The following TUBB8 variants were observed in gnomAD, a reference collection of about 807,000 sequenced individuals.
TUBB8 encodes tubulin beta-8 chain.
Under a neutral mutation model 33.7 loss-of-function variants are expected in TUBB8, and 25 were observed. The ratio of observed to expected loss-of-function variants is 0.74; its 90% CI spans 0.54 to 1.04. The LOEUF (loss-of-function observed/expected upper bound fraction) is 1.04. Among genes scored for constraint, TUBB8 ranks in the 50% least tolerant of loss-of-function variants. TUBB8 has a pLI of 0.00. For missense variants in TUBB8, 279 were observed against 608.0 expected, an observed-to-expected ratio of 0.46 and a Z score of 5.69; for synonymous variants, 245 against 240.1, an observed-to-expected ratio of 1.02 and a Z score of -0.19.
At chr10:57,012 T>C (rs1834539756) in intron 1 of TUBB8, among the ~76,000 whole-genome samples, 2 of 152,122 alleles carry the variant, frequency 1.3e-5, no homozygotes, top group South Asian at 4.1e-4. Context: ...ATATTCCTAT[T>C]CTAAAAGGAA....
chr10:69,853 A>C (rs1430684863), intron 1 of TUBB8, among the ~76,000 whole-genome samples: 1 of 152,226 alleles, frequency 6.6e-6, no homozygotes, highest in Non-Finnish European at 1.5e-5. Flanking sequence ...ATGGTGCCAG[A>C]GGACTCCAGC....
chr10:70,698 G>A (rs1220460330), intron 1 of TUBB8, among the ~76,000 whole-genome samples: 1 of 151,966 alleles, frequency 6.6e-6, no homozygotes, highest in Non-Finnish European at 1.5e-5. Context: ...TAATCAGCCA[G>A]GCATGGTGGC....
upstream of TUBB8, among the ~76,000 whole-genome samples, chr10:50,642 G>A (rs1554739452): frequency 6.6e-6 from 1 of 152,164 alleles, no homozygotes; most frequent in African/African-American, 2.4e-5. Flanking sequence ...TTGGGGGTCA[G>A]GAGTCCCCAC....
chr10:59,606 T>C (rs1554740624), intron 1 of TUBB8, among the ~76,000 whole-genome samples: 2 of 152,266 alleles, frequency 1.3e-5, no homozygotes, highest in Non-Finnish European at 2.9e-5. Flanking sequence ...TATTGTTTAA[T>C]TGCATTTACT....
upstream of TUBB8, among the ~76,000 whole-genome samples, chr10:74,625 C>CAAAAAAAAAAAAAAAAGAAAGAAAAA (rs1834784586): frequency 2.2e-5 from 2 of 89,680 alleles, no homozygotes; most frequent in Non-Finnish European, 2.2e-5. Flanking sequence ...GACTCAGTAT[C>CAAAAAAAAAAAAAAAAGAAAGAAAAA]AAAAAAAAAA....
At chr10:73,497 G>C (rs1834764591) in intron 1 of TUBB8, among the ~76,000 whole-genome samples, 2 of 152,218 alleles carry the variant, frequency 1.3e-5, no homozygotes, top group South Asian at 2.1e-4. Flanking sequence ...TACAAAATTA[G>C]CCGGGCGTGC....
At chr10:56,439 T>C (rs1163872911) in intron 1 of TUBB8, among the ~76,000 whole-genome samples, 1 of 152,242 alleles carries the variant, frequency 6.6e-6, no homozygotes, top group African/African-American at 2.4e-5. Flanking sequence ...ATAAAGGAAA[T>C]AGGTTTCATT....
At chr10:64,155 C>A (rs1359747587) in intron 1 of TUBB8, among the ~76,000 whole-genome samples, 2 of 152,102 alleles carry the variant, frequency 1.3e-5, no homozygotes, top group East Asian at 1.9e-4. Context: ...AACATAAGCA[C>A]CCCTGAGGCC....
At chr10:76,447 G>A (rs1834815687), upstream of TUBB8, among the ~76,000 whole-genome samples, 1 of 152,198 alleles carries the variant, frequency 6.6e-6, no homozygotes, top group Non-Finnish European at 1.5e-5. Context: ...TCACAGCGGC[G>A]GCAGGAAGCC....
intron 1 of TUBB8, among the ~76,000 whole-genome samples, chr10:66,706 T>G (rs1834675592): frequency 1.3e-5 from 2 of 152,262 alleles, no homozygotes; most frequent in Non-Finnish European, 2.9e-5. Flanking sequence ...ACATGGTAGC[T>G]GACACCTGTA....
chr10:76,227 C>T (rs1323212877), upstream of TUBB8, among the ~76,000 whole-genome samples: 4 of 152,058 alleles, frequency 2.6e-5, no homozygotes, highest in Non-Finnish European at 4.4e-5. Flanking sequence ...AGTCCCCAGC[C>T]TCCCGACCGA....
rs1402808073 is a variant in TUBB8 at position 57,588 on chromosome 10, T to C, written c.-845-7355A>G. On this transcript the variant is annotated intron_variant, in intron 1 of 3. Transcript: ENST00000564130. ...TTATGGCTTGCACCCTCTGAAGCAG[T>C]GACTGGAGTTGTAACTGGGCCAATT... Among the ~76,000 whole-genome samples, 21 of 152,278 alleles carry C rather than the reference T, an allele frequency of 1.4e-4. No homozygotes were observed. In the South Asian group the frequency reaches 2.5e-3, roughly 18 times the overall value.
chr10:52,651 A>G (rs1297673078), upstream of TUBB8, among the ~76,000 whole-genome samples: 2 of 152,238 alleles, frequency 1.3e-5, no homozygotes, highest in African/African-American at 4.8e-5. Context: ...CTAGCTCGTT[A>G]ATATTATCTT....
At chr10:64,190 C>A (rs1244815633) in intron 1 of TUBB8, among the ~76,000 whole-genome samples, 1 of 152,096 alleles carries the variant, frequency 6.6e-6, no homozygotes, top group Non-Finnish European at 1.5e-5. Context: ...TGTGCTGGTT[C>A]ACACATGAAG....
At chr10:49,679 G>A (rs1834441037), upstream of TUBB8, 1 of 430,532 alleles carries the variant, frequency 2.3e-6, no homozygotes, top group African/African-American at 2.0e-5. Flanking sequence ...TCTGTGGTTA[G>A]GAAAGGCCTT....
chr10:76,314 A>T (rs1834813916), upstream of TUBB8, among the ~76,000 whole-genome samples: 1 of 152,096 alleles, frequency 6.6e-6, no homozygotes, highest in South Asian at 2.1e-4. Flanking sequence ...TCGCATCGGT[A>T]ACCGGCATCT....
upstream of TUBB8, chr10:74,305 C>G (rs1421184954): frequency 6.6e-6 from 1 of 151,532 alleles, no homozygotes; most frequent in Non-Finnish European, 1.5e-5. Flanking sequence ...CTGGAGACCA[C>G]CATCCCGTCC....
At chr10:51,174 G>T (rs1834464425), upstream of TUBB8, among the ~76,000 whole-genome samples, 1 of 152,106 alleles carries the variant, frequency 6.6e-6, no homozygotes, top group Non-Finnish European at 1.5e-5. Context: ...TTGCTCTGTT[G>T]CTCAGGCTGG....
intron 1 of TUBB8, among the ~76,000 whole-genome samples, chr10:63,467 T>G (rs555020263): frequency 1.3e-5 from 2 of 152,374 alleles, no homozygotes; most frequent in African/African-American, 4.8e-5. Flanking sequence ...TTAGATTCTG[T>G]AGGCATGCTT....
Sources: allele counts gnomAD v4.1 joint callset (sites outside exome capture counted in the v4.1 genomes callset), GRCh38; gene constraint gnomAD v4.1.1; transcripts MANE v1.5; gene names NCBI Gene and HGNC (gene_info 2026-07-23, HGNC 2026-07-21).